Variants in RP1 observed in about 807,000 individuals in gnomAD.
The protein encoded by RP1 is RP1 axonemal microtubule associated.
Under a neutral mutation model 14.8 loss-of-function variants are expected in RP1, and 16 were observed. The observed-to-expected ratio is 1.08, with a 90% CI of 0.73 to 1.65. The LOEUF (loss-of-function observed/expected upper bound fraction) is 1.65. Among genes scored for constraint, RP1 ranks in the 40% most tolerant of loss-of-function variants. The probability of loss-of-function intolerance (pLI) is 0.00; values close to 1 mark genes in which losing one functional copy is unlikely to be tolerated. For synonymous variants in RP1, 876 were observed against 883.6 expected, an observed-to-expected ratio of 0.99 and a Z score of 0.15; for missense variants, 2,631 against 2,535.0, an observed-to-expected ratio of 1.04 and a Z score of -0.81.
intron 23 of RP1, among the ~76,000 whole-genome samples, chr8:54,781,488 A>G (rs1323138503): frequency 6.6e-6 from 1 of 152,210 alleles, no homozygotes; most frequent in Non-Finnish European, 1.5e-5. Flanking sequence ...AAGTTTTGCA[A>G]TAGAAAATTA....
intron 24 of RP1, among the ~76,000 whole-genome samples, chr8:54,821,652 A>G (rs1811258432): frequency 1.3e-5 from 2 of 152,180 alleles, no homozygotes. Flanking sequence ...CTCTAAGAGC[A>G]ACTTAATGTG....
intron 27 of RP1, among the ~76,000 whole-genome samples, chr8:54,858,837 C>T (rs1389034874): frequency 6.6e-6 from 1 of 150,958 alleles, no homozygotes; most frequent in East Asian, 2.0e-4. Flanking sequence ...TAGAGCAGTG[C>T]TGCTGTAGAG....
chr8:54,855,721 C>T (rs1004276687), intron 26 of RP1, among the ~76,000 whole-genome samples: 1 of 152,092 alleles, frequency 6.6e-6, no homozygotes, highest in African/African-American at 2.4e-5. Flanking sequence ...GTATCCAAAT[C>T]ACCAATAAAC....
chr8:54,703,270 T>G (rs1205620722), intron 14 of RP1, among the ~76,000 whole-genome samples: 1 of 152,186 alleles, frequency 6.6e-6, no homozygotes, highest in Non-Finnish European at 1.5e-5. Context: ...GCTTGAAAAT[T>G]GAAATTACTT....
rs865989386 is a variant in RP1, at chr8:54,628,591, G to A, written c.4709G>A (p.Gly1570Glu). 6.2e-7 allele frequency: 1 copy of A among 1,613,934 alleles called. No homozygotes were observed. The highest frequency in any genetic ancestry group is 8.5e-7 in the Non-Finnish European group (1 of 1,179,902). The change falls in exon 4 of 4, where the codon GGA becomes GAA. Residue 1570 changes from glycine to glutamate, a missense_variant. Coordinates refer to ENST00000220676, the MANE Select transcript of RP1 (RefSeq NM_006269.2). ...ATGATGGTGAAAACTATGGAAACTG[G>A]AAGTTATTCAGAGTCCTCTCCTGAT... ...VKMMVKTMET[G>E]SYSESSPDLK...
intron 24 of RP1, among the ~76,000 whole-genome samples, chr8:54,792,520 C>T (rs1472960563): frequency 6.6e-6 from 1 of 151,686 alleles, no homozygotes; most frequent in African/African-American, 2.4e-5. Flanking sequence ...TTTCTCACTA[C>T]AATAGTATGA....
intron 22 of RP1, among the ~76,000 whole-genome samples, chr8:54,761,936 G>A (rs539082835): frequency 3.3e-5 from 5 of 152,284 alleles, no homozygotes; most frequent in African/African-American, 1.2e-4. Context: ...GCAGAAAAAG[G>A]CCATTCTGAA....
At chr8:54,652,890 C>T (rs746564946) in intron 5 of RP1, 4 of 1,485,644 alleles carry the variant, frequency 2.7e-6, no homozygotes, top group East Asian at 4.9e-5. Context: ...AACACTTTCC[C>T]ATTCTTTGCA....
In RP1 at chr8:54,690,393, C is replaced by A. The variant is rs756755335; in HGVS notation, c.1718-9074C>A. On this transcript the variant is annotated intron_variant, in intron 12 of 22. Transcript: ENST00000636932. Reference sequence around the variant, plus strand: ...TACACTGGCCAGTTTTTCTACTGCCCAGTTCTTACCACATCTTAACTATAC... The same window carrying A: ...TACACTGGCCAGTTTTTCTACTGCCAAGTTCTTACCACATCTTAACTATAC... 4.6e-5 allele frequency among the ~76,000 whole-genome samples: 7 copies of A among 151,996 alleles called. 1 individual carries two copies. The highest frequency in any genetic ancestry group is 1.0e-4 in the Non-Finnish European group (7 of 67,972).
At chr8:54,822,159 TTTAA>T (rs1173449477) in intron 24 of RP1, among the ~76,000 whole-genome samples, 4 of 152,204 alleles carry the variant, frequency 2.6e-5, no homozygotes, top group Non-Finnish European at 5.9e-5. Flanking sequence ...TATATAATAG[TTTAA>T]TTATTTATTA....
At chr8:54,767,805 T>A (rs1476949162) in intron 22 of RP1, among the ~76,000 whole-genome samples, 1 of 152,210 alleles carries the variant, frequency 6.6e-6, no homozygotes, top group Admixed American at 6.5e-5. Flanking sequence ...AATTAGGGGC[T>A]AACAAAATGT....
chr8:54,764,514 G>A (rs1402364658), intron 22 of RP1, among the ~76,000 whole-genome samples: 1 of 152,184 alleles, frequency 6.6e-6, no homozygotes, highest in Admixed American at 6.5e-5. Context: ...TTCACAAGGC[G>A]TGTGACATTA....
intron 3 of RP1, among the ~76,000 whole-genome samples, chr8:54,623,914 T>A (rs529000863): frequency 2.0e-5 from 3 of 152,310 alleles, no homozygotes; most frequent in Non-Finnish European, 1.5e-5. Flanking sequence ...TAGACTCCAG[T>A]TTCAGTACTG....
downstream of RP1, among the ~76,000 whole-genome samples, chr8:54,633,797 TTCACAAAAGTGAAGGTG>T (rs1806298152): frequency 6.7e-6 from 1 of 149,656 alleles, no homozygotes; most frequent in Non-Finnish European, 1.5e-5. Context: ...CATATAGCCC[TTCACAAAAGTGAAGGTG>T]ACAAACAGTT....
chr8:54,789,015 C>T (rs554911701), intron 24 of RP1, among the ~76,000 whole-genome samples: 7 of 152,310 alleles, frequency 4.6e-5, no homozygotes, highest in African/African-American at 1.7e-4. Context: ...AGATGGACAT[C>T]CAGCTTTTCC....
chr8:54,741,707 GTA>G (rs372225314), intron 19 of RP1, among the ~76,000 whole-genome samples: 5,451 of 57,828 alleles, frequency 0.094, 132 homozygotes, highest in Non-Finnish European at 0.11. Context: ...AAATGTGTGT[GTA>G]TATATATATA....
In RP1 at chr8:54,651,063, T is replaced by G. The variant is rs1317040785; in HGVS notation, c.952-1717T>G. On this transcript the variant is annotated intron_variant, in intron 4 of 22. Coordinates refer to the RP1 transcript ENST00000636932. ...GCAGTTTGGCATCAATTGAGATGATTGTGTTTTTTCCCTCTATTTTATTTA... is the reference window on the plus strand; with the variant it reads ...GCAGTTTGGCATCAATTGAGATGATGGTGTTTTTTCCCTCTATTTTATTTA... 3.3e-5 allele frequency among the ~76,000 whole-genome samples: 5 copies of G among 152,168 alleles called. No homozygotes were observed. The South Asian group carries it at 1.0e-3, about 32-fold the overall frequency.
intron 12 of RP1, among the ~76,000 whole-genome samples, chr8:54,691,443 G>C (rs2129339459): frequency 6.6e-6 from 1 of 152,122 alleles, no homozygotes; most frequent in African/African-American, 2.4e-5. Context: ...GGAATGTGTG[G>C]AAAATTATGA....
At chr8:54,614,866 A>C (rs1212515720), upstream of RP1, among the ~76,000 whole-genome samples, 1 of 152,216 alleles carries the variant, frequency 6.6e-6, no homozygotes, top group Non-Finnish European at 1.5e-5. Flanking sequence ...TCAGTGTCAA[A>C]ACAGAACTGA....
Sources: gnomAD v4.1 joint callset for allele counts (sites outside exome capture counted in the v4.1 genomes callset) on GRCh38, gnomAD v4.1.1 for gene constraint, MANE v1.5 for transcripts, NCBI Gene and HGNC (gene_info 2026-07-23, HGNC 2026-07-21) for gene names.